GUCY1A2: variants seen among roughly 807,000 people sequenced by gnomAD.
GUCY1A2 encodes guanylate cyclase 1 soluble subunit alpha 2.
Under a neutral mutation model 63.5 loss-of-function variants are expected in GUCY1A2, and 27 were observed. The ratio of observed to expected loss-of-function variants is 0.43; its 90% CI spans 0.31 to 0.59. GUCY1A2 has a LOEUF of 0.59. Ranked by LOEUF, GUCY1A2 falls within the 20% of genes least tolerant of loss-of-function variation. The pLI is 0.11. For synonymous variants in GUCY1A2, 364 were observed against 343.5 expected (o/e 1.06, Z -0.66); for missense variants, 768 against 913.3 (o/e 0.84, Z 2.05).
intron 5 of GUCY1A2, among the ~76,000 whole-genome samples, chr11:106,794,129 T>TAC (rs1247657918): frequency 7.2e-5 from 11 of 151,930 alleles, no homozygotes; most frequent in Middle Eastern, 3.4e-3. Flanking sequence ...GAAAATGTGA[T>TAC]ACACACACAC....
chr11:106,701,346 T>C (rs1862814613), intron 7 of GUCY1A2, among the ~76,000 whole-genome samples: 1 of 151,970 alleles, frequency 6.6e-6, no homozygotes, highest in Admixed American at 6.6e-5. Context: ...ACACTCCAAA[T>C]AAACACGTTA....
chr11:106,789,732 T>A (rs1020281007), intron 5 of GUCY1A2, among the ~76,000 whole-genome samples: 3 of 152,222 alleles, frequency 2.0e-5, no homozygotes, highest in Non-Finnish European at 2.9e-5. Context: ...CCAAGCCCAG[T>A]AATGCTGTGG....
At chr11:106,831,283 G>C (rs565145324) in intron 4 of GUCY1A2, among the ~76,000 whole-genome samples, 8 of 152,270 alleles carry the variant, frequency 5.3e-5, no homozygotes, top group African/African-American at 1.9e-4. Context: ...TGTCTTTCTA[G>C]ACATTCCCGT....
At chr11:106,985,030 G>C (rs1218322635) in intron 2 of GUCY1A2, among the ~76,000 whole-genome samples, 2 of 152,082 alleles carry the variant, frequency 1.3e-5, no homozygotes, top group African/African-American at 4.8e-5. Context: ...TAGGTACCGA[G>C]ATTATTTTTC....
chr11:106,833,245 C>G (rs1211935489), intron 4 of GUCY1A2, among the ~76,000 whole-genome samples: 8 of 152,024 alleles, frequency 5.3e-5, no homozygotes. Context: ...AGAAACTTAT[C>G]TGTAAAGAAA....
At chr11:106,772,002 G>A (rs1177792937) in intron 6 of GUCY1A2, among the ~76,000 whole-genome samples, 1 of 151,990 alleles carries the variant, frequency 6.6e-6, no homozygotes, top group African/African-American at 2.4e-5. Context: ...TAGCCTCTGA[G>A]TTTCATTAGA....
intron 4 of GUCY1A2, among the ~76,000 whole-genome samples, chr11:106,893,568 G>A (rs1319259309): frequency 1.3e-5 from 2 of 152,108 alleles, no homozygotes; most frequent in Non-Finnish European, 2.9e-5. Flanking sequence ...GGTCCCACAT[G>A]TAAGAAACTT....
At position 106,681,283 on chromosome 11, in the gene GUCY1A2, T is replaced by A. The variant is rs1350042066; in HGVS notation, c.*6266A>T. On this transcript the variant is annotated 3_prime_UTR_variant, in exon 8 of 8. Transcript: ENST00000526355. ...ATAATGAGCTCTTTTATCTTTACTC[T>A]TTCATCTTCCAAGACCATATCAAAC... 10 of 223,824 alleles carry A rather than the reference T, an allele frequency of 4.5e-5. No individual in the cohort carries two copies. Among genetic ancestry groups the A allele is most frequent in the African/African-American group, 2.2e-4 (10 of 44,806 alleles). 13.9% of individuals were successfully genotyped at this position (223,824 alleles called of 1,614,324 possible).
chr11:106,971,800 A>T (rs557586871), intron 3 of GUCY1A2, among the ~76,000 whole-genome samples: 1 of 152,274 alleles, frequency 6.6e-6, no homozygotes, highest in African/African-American at 2.4e-5. Flanking sequence ...TGCCCAGGTC[A>T]TGGTTTCCAA....
chr11:106,973,371 C>T lies in GUCY1A2; in HGVS notation c.487+5248G>A, dbSNP rs556636069. On this transcript the variant is annotated intron_variant, in intron 3 of 7. Coordinates refer to ENST00000526355, the MANE Select transcript of GUCY1A2 (RefSeq NM_000855.3). The stretch of plus-strand genomic sequence containing the variant: ...ACGTTTGTGTTGTGATGGGAAACAC[C>T]ATCACCCTTAGTTAGCATTTTCAAC... Among the ~76,000 whole-genome samples, 3 of 152,098 alleles carry T rather than the reference C, an allele frequency of 2.0e-5. No homozygotes were observed. In the East Asian group the frequency reaches 5.8e-4, roughly 29 times the overall value.
intron 7 of GUCY1A2, among the ~76,000 whole-genome samples, chr11:106,693,512 G>C (rs1862662691): frequency 6.6e-6 from 1 of 151,868 alleles, no homozygotes. Context: ...TGAACCTTTT[G>C]ACGTAGCAAA....
intron 4 of GUCY1A2, among the ~76,000 whole-genome samples, chr11:106,869,820 A>G (rs1203488915): frequency 6.6e-6 from 1 of 152,134 alleles, no homozygotes; most frequent in Admixed American, 6.6e-5. Flanking sequence ...TGTTTATTGC[A>G]GCACTACTCA....
intron 6 of GUCY1A2, among the ~76,000 whole-genome samples, chr11:106,752,032 C>T (rs1591261689): frequency 1.3e-5 from 2 of 152,166 alleles, no homozygotes; most frequent in Admixed American, 6.5e-5. Context: ...GGAATTTACA[C>T]ACACAATTTA....
intron 5 of GUCY1A2, among the ~76,000 whole-genome samples, chr11:106,781,687 C>A (rs2135406261): frequency 6.6e-6 from 1 of 151,890 alleles, no homozygotes; most frequent in Non-Finnish European, 1.5e-5. Context: ...CCTCAGCCTC[C>A]CTTGTAGCTG....
rs1861804241 is a variant in GUCY1A2 at position 107,015,289 on chromosome 11, AT to A, written c.303+2463del. ...GAAAGTATATAGAGCTGTTGCATTT[AT>A]TTGATCATCACAATTATTTTTAAAT... On this transcript the variant is annotated intron_variant, in intron 1 of 7. Coordinates refer to ENST00000526355, the MANE Select transcript of GUCY1A2 (RefSeq NM_000855.3). Among the ~76,000 whole-genome samples, 4 of 152,262 alleles carry A rather than the reference AT, an allele frequency of 2.6e-5. No individual in the cohort carries two copies. The South Asian group carries it at 8.3e-4, about 32-fold the overall frequency.
intron 4 of GUCY1A2, among the ~76,000 whole-genome samples, chr11:106,844,797 T>C (rs752114202): frequency 2.6e-5 from 4 of 151,742 alleles, no homozygotes; most frequent in African/African-American, 7.2e-5. Flanking sequence ...AAGGGCTTAT[T>C]ATGCTATAAA....
intron 6 of GUCY1A2, among the ~76,000 whole-genome samples, chr11:106,754,105 C>A (rs915021040): frequency 1.3e-5 from 2 of 152,134 alleles, no homozygotes; most frequent in African/African-American, 4.8e-5. Context: ...GTATTTTATT[C>A]TCTTTGCAGC....
intron 7 of GUCY1A2, among the ~76,000 whole-genome samples, chr11:106,698,138 T>TTTA (rs1555020237): frequency 6.9e-6 from 1 of 145,758 alleles, no homozygotes; most frequent in Non-Finnish European, 1.5e-5. Flanking sequence ...TTTTTTTTTT[T>TTTA]AGACAGGGTC....
chr11:106,796,053 C>T (rs975303666), intron 5 of GUCY1A2, among the ~76,000 whole-genome samples: 2 of 152,078 alleles, frequency 1.3e-5, no homozygotes, highest in African/African-American at 4.8e-5. Flanking sequence ...ATCCCTTTAC[C>T]ATTACGTAAT....
Sources: allele counts gnomAD v4.1 joint callset (sites outside exome capture counted in the v4.1 genomes callset), GRCh38; gene constraint gnomAD v4.1.1; transcripts MANE v1.5; gene names NCBI Gene and HGNC (gene_info 2026-07-23, HGNC 2026-07-21).